AMOTL1: variants seen among roughly 807,000 people sequenced by gnomAD.
The protein encoded by AMOTL1 is angiomotin-like protein 1.
AMOTL1 carries 45 observed loss-of-function variants against 102.9 expected under a neutral mutation model. The observed-to-expected ratio is 0.44, with a 90% CI of 0.34 to 0.56. AMOTL1 has a LOEUF of 0.56. Ranked by LOEUF, AMOTL1 falls within the 20% of genes least tolerant of loss-of-function variation. The pLI, the probability that AMOTL1 is intolerant of heterozygous loss-of-function variation, is 0.01. For synonymous variants in AMOTL1, 481 were observed against 484.7 expected (o/e 0.99, Z 0.10); for missense variants, 1,114 against 1,225.6 (o/e 0.91, Z 1.36).
chr11:94,741,052 G>T (rs10400239), intron 3 of AMOTL1: 2 of 1,244,316 alleles, frequency 1.6e-6, no homozygotes, highest in Non-Finnish European at 2.1e-6. Flanking sequence ...TGCGAGTTTG[G>T]GGGGCGTCCA....
chr11:94,840,313 G>T (rs764744994), intron 6 of AMOTL1, among the ~76,000 whole-genome samples: 2 of 152,110 alleles, frequency 1.3e-5, no homozygotes, highest in Non-Finnish European at 2.9e-5. Context: ...AGGGGACAAA[G>T]TGTTTGTTTT....
intron 1 of AMOTL1, among the ~76,000 whole-genome samples, chr11:94,789,321 G>A (rs1405524320): frequency 6.6e-6 from 1 of 152,064 alleles, no homozygotes; most frequent in African/African-American, 2.4e-5. Flanking sequence ...ACCATGCCTG[G>A]CTAATTTTTG....
chr11:94,840,375 C>A (rs1443778668), intron 6 of AMOTL1, among the ~76,000 whole-genome samples: 2 of 151,798 alleles, frequency 1.3e-5, no homozygotes, highest in East Asian at 3.9e-4. Flanking sequence ...GCATCTGTTA[C>A]TAATTTTCTT....
chr11:94,748,326 G>A (rs1030450879), intron 3 of AMOTL1, among the ~76,000 whole-genome samples: 2 of 152,166 alleles, frequency 1.3e-5, no homozygotes, highest in African/African-American at 4.8e-5. Flanking sequence ...GTCCATAGAC[G>A]AGGGAGAAGG....
chr11:94,743,501 A>T (rs979086504), intron 3 of AMOTL1, among the ~76,000 whole-genome samples: 1 of 152,114 alleles, frequency 6.6e-6, no homozygotes, highest in African/African-American at 2.4e-5. Context: ...TTAGACACAC[A>T]GCAGGAAAAA....
chr11:94,802,142 C>T (rs1279643392), intron 3 of AMOTL1, among the ~76,000 whole-genome samples: 1 of 152,170 alleles, frequency 6.6e-6, no homozygotes, highest in Non-Finnish European at 1.5e-5. Context: ...GGCAGGAGAA[C>T]GCATTCTCCC....
At chr11:94,847,574 G>A (rs1952442990) in intron 6 of AMOTL1, among the ~76,000 whole-genome samples, 1 of 152,144 alleles carries the variant, frequency 6.6e-6, no homozygotes, top group Non-Finnish European at 1.5e-5. Flanking sequence ...ATTGCCATTT[G>A]ATAGTTGAGG....
At chr11:94,708,649 C>G (rs1422466374) in intron 1 of AMOTL1, among the ~76,000 whole-genome samples, 1 of 152,134 alleles carries the variant, frequency 6.6e-6, no homozygotes, top group Non-Finnish European at 1.5e-5. Context: ...CTCTAACCAC[C>G]ACCTATGTTG....
chr11:94,855,617 C>T (rs530254319), intron 8 of AMOTL1, among the ~76,000 whole-genome samples: 3 of 152,232 alleles, frequency 2.0e-5, no homozygotes, highest in South Asian at 2.1e-4. Context: ...GTTAATATGC[C>T]GTCCACACCC....
chr11:94,837,593 G>A (rs1455921615), intron 6 of AMOTL1, among the ~76,000 whole-genome samples: 1 of 152,162 alleles, frequency 6.6e-6, no homozygotes, highest in Non-Finnish European at 1.5e-5. Flanking sequence ...ATGACAACCA[G>A]AAGTGCGCAC....
chr11:94,768,608 C>A, intron 1 of AMOTL1, 48 bp downstream of exon 1: 1 of 1,563,208 alleles, frequency 6.4e-7, no homozygotes, highest in South Asian at 1.2e-5. Flanking sequence ...CCGAGTCTCC[C>A]ACGCGAAGAA....
intron 3 of AMOTL1, among the ~76,000 whole-genome samples, chr11:94,743,006 A>T (rs1332909244): frequency 2.0e-5 from 3 of 152,184 alleles, no homozygotes; most frequent in African/African-American, 7.2e-5. Context: ...GTTTCAATAC[A>T]TGAATTTTGA....
intron 1 of AMOTL1, among the ~76,000 whole-genome samples, chr11:94,726,164 A>G (rs1371997361): frequency 1.3e-5 from 2 of 152,200 alleles, no homozygotes; most frequent in Admixed American, 6.5e-5. Context: ...AGATGGACCC[A>G]TAAAAGAAGA....
In AMOTL1 at chr11:94,871,230, T is replaced by C. The variant is rs1952989959; in HGVS notation, c.*435T>C. 6.5e-6 allele frequency: 1 copy of C among 154,232 alleles called. No homozygotes were observed. Among genetic ancestry groups the C allele is most frequent in the African/African-American group, 2.4e-5 (1 of 41,494 alleles). The allele number at this position is 154,232 out of a possible 1,614,324, so 9.6% of individuals were successfully genotyped here. On this transcript the variant is annotated 3_prime_UTR_variant, in exon 13 of 13. Coordinates refer to ENST00000433060, the MANE Select transcript of AMOTL1 (RefSeq NM_130847.3). Reference sequence around the variant, plus strand: ...AAGCCTCCAGGAAATCTTGAGAGCCTGTCTTGGCATAATGCAGTGTCACCT... The same window carrying C: ...AAGCCTCCAGGAAATCTTGAGAGCCCGTCTTGGCATAATGCAGTGTCACCT...
intron 1 of AMOTL1, among the ~76,000 whole-genome samples, chr11:94,722,116 T>A (rs1463836728): frequency 2.0e-5 from 3 of 152,128 alleles, no homozygotes; most frequent in Admixed American, 1.3e-4. Flanking sequence ...TCTCAGCAAG[T>A]CCTTACAGAG....
intron 4 of AMOTL1, 45 bp downstream of exon 4, chr11:94,821,866 C>T (rs1381588032): frequency 3.1e-6 from 5 of 1,594,900 alleles, no homozygotes; most frequent in Non-Finnish European, 4.3e-6. Context: ...AATTCTTTAC[C>T]TGGTCATGGG....
intron 1 of AMOTL1, among the ~76,000 whole-genome samples, chr11:94,710,100 T>C (rs889588741): frequency 2.6e-5 from 4 of 152,182 alleles, no homozygotes; most frequent in African/African-American, 9.6e-5. Context: ...CCAACTCTCC[T>C]CATACAAGGC....
chr11:94,833,051 C>CAT (rs1420905844), intron 6 of AMOTL1, among the ~76,000 whole-genome samples: 1 of 152,208 alleles, frequency 6.6e-6, no homozygotes, highest in African/African-American at 2.4e-5. Flanking sequence ...AAAGCTGAAA[C>CAT]ATCAATTATC....
chr11:94,809,069 C>T (rs1468496630), intron 3 of AMOTL1, among the ~76,000 whole-genome samples: 2 of 146,360 alleles, frequency 1.4e-5, no homozygotes, highest in Non-Finnish European at 3.0e-5. Context: ...CTCCCGGGTT[C>T]AAGTGATTCT....
Sources: gnomAD v4.1 joint callset for allele counts (sites outside exome capture counted in the v4.1 genomes callset) on GRCh38, gnomAD v4.1.1 for gene constraint, MANE v1.5 for transcripts, NCBI Gene and HGNC (gene_info 2026-07-23, HGNC 2026-07-21) for gene names.